KCTD8: variants seen among roughly 807,000 people sequenced by gnomAD.
KCTD8 encodes the protein potassium channel tetramerization domain containing 8, also known as BTB/POZ domain-containing protein KCTD8.
KCTD8 carries 27 observed loss-of-function variants against 31.5 expected under a neutral mutation model. The observed-to-expected ratio is 0.86, with a 90% CI of 0.63 to 1.18. The LOEUF (loss-of-function observed/expected upper bound fraction) is 1.18, where lower values mean the gene tolerates loss of function less well. KCTD8 is among the 50% of genes most tolerant of loss of function. The pLI is 0.00. For synonymous variants in KCTD8, 290 were observed against 280.0 expected (o/e 1.04, Z -0.36); for missense variants, 658 against 647.7 (o/e 1.02, Z -0.17).
At chr4:44,281,072 G>C (rs960495318) in intron 1 of KCTD8, among the ~76,000 whole-genome samples, 1 of 151,936 alleles carries the variant, frequency 6.6e-6, no homozygotes, top group African/African-American at 2.4e-5. Flanking sequence ...TTGAGGACAA[G>C]AGAAGTGAAG....
chr4:44,447,999 G>A lies in KCTD8; in HGVS notation c.525C>T (p.Asp175=). 6.4e-7 allele frequency: 1 copy of A among 1,573,468 alleles called. No homozygotes were observed. The highest frequency in any genetic ancestry group is 1.8e-5 in the Admixed American group (1 of 54,632). Residue 175 remains aspartate (D), a synonymous_variant, in exon 1 of 2, where the codon GAC becomes GAT. Coordinates refer to ENST00000360029, the MANE Select transcript of KCTD8 (RefSeq NM_198353.3). ...LEDNVSQGSS[D]ALLLRGAAAA... ...CCGCCGCCCCGCGCAGCAGCAGCGC[G>A]TCGCTGCTACCCTGCGAGACGTTGT...
At chr4:44,178,823 T>C (rs1713292676) in intron 1 of KCTD8, among the ~76,000 whole-genome samples, 1 of 152,200 alleles carries the variant, frequency 6.6e-6, no homozygotes, top group African/African-American at 2.4e-5. Flanking sequence ...ATGTAACATT[T>C]GTGTCTTGAA....
intron 1 of KCTD8, among the ~76,000 whole-genome samples, chr4:44,264,606 A>G (rs1716281370): frequency 6.6e-6 from 1 of 152,200 alleles, no homozygotes; most frequent in Non-Finnish European, 1.5e-5. Context: ...GGGAAGCGCA[A>G]GGGGTCAGGG....
At chr4:44,339,738 C>G (rs1017210629) in intron 1 of KCTD8, among the ~76,000 whole-genome samples, 3 of 152,106 alleles carry the variant, frequency 2.0e-5, no homozygotes, top group African/African-American at 4.8e-5. Flanking sequence ...AAGGAACATA[C>G]ACCAAGGTAG....
At chr4:44,264,172 A>C (rs1211522403) in intron 1 of KCTD8, among the ~76,000 whole-genome samples, 1 of 150,602 alleles carries the variant, frequency 6.6e-6, no homozygotes, top group Non-Finnish European at 1.5e-5. Flanking sequence ...AATAATTGTT[A>C]TTAGTCCTAA....
intron 1 of KCTD8, among the ~76,000 whole-genome samples, chr4:44,398,845 T>C (rs573139511): frequency 6.6e-6 from 1 of 152,212 alleles, no homozygotes; most frequent in East Asian, 1.9e-4. Context: ...GCACGGGTGG[T>C]TTCAGGATGA....
chr4:44,382,683 T>C (rs1010184979), intron 1 of KCTD8, among the ~76,000 whole-genome samples: 11 of 151,266 alleles, frequency 7.3e-5, no homozygotes, highest in African/African-American at 2.7e-4. Context: ...TGAGTTGAAA[T>C]TGCACCATTG....
intron 1 of KCTD8, among the ~76,000 whole-genome samples, chr4:44,225,258 G>T (rs894457124): frequency 6.6e-6 from 1 of 152,218 alleles, no homozygotes; most frequent in African/African-American, 2.4e-5. Flanking sequence ...ATTTCTATTT[G>T]ATTGGCTTCT....
intron 1 of KCTD8, among the ~76,000 whole-genome samples, chr4:44,330,518 T>G (rs1718567852): frequency 6.6e-6 from 1 of 151,960 alleles, no homozygotes; most frequent in Non-Finnish European, 1.5e-5. Context: ...GGGCTCCAGT[T>G]GCATCTTTGT....
chr4:44,315,667 T>G (rs1718086165), intron 1 of KCTD8, among the ~76,000 whole-genome samples: 1 of 146,160 alleles, frequency 6.8e-6, no homozygotes, highest in Non-Finnish European at 1.5e-5. Flanking sequence ...TATTTCTTAG[T>G]TATTCTATGC....
At chr4:44,390,618 G>A (rs1439402583) in intron 1 of KCTD8, among the ~76,000 whole-genome samples, 1 of 151,980 alleles carries the variant, frequency 6.6e-6, no homozygotes, top group Non-Finnish European at 1.5e-5. Flanking sequence ...TGGGTATGCA[G>A]GCTCTTTTTT....
At chr4:44,248,898 C>A (rs1303351853) in intron 1 of KCTD8, among the ~76,000 whole-genome samples, 1 of 151,756 alleles carries the variant, frequency 6.6e-6, no homozygotes, top group Non-Finnish European at 1.5e-5. Flanking sequence ...TGAGAAATAA[C>A]AAAAACAAAA....
At chr4:44,177,165 T>A (rs1454277558) in intron 1 of KCTD8, among the ~76,000 whole-genome samples, 1 of 152,168 alleles carries the variant, frequency 6.6e-6, no homozygotes, top group African/African-American at 2.4e-5. Flanking sequence ...CCATTCTCTA[T>A]TCTCCTCTGT....
intron 1 of KCTD8, among the ~76,000 whole-genome samples, chr4:44,279,685 T>A (rs1434192204): frequency 6.6e-6 from 1 of 152,012 alleles, no homozygotes; most frequent in Non-Finnish European, 1.5e-5. Flanking sequence ...ACCAAAAGGA[T>A]TAGTGTGAGG....
At chr4:44,292,882 A>G (rs762338920) in intron 1 of KCTD8, among the ~76,000 whole-genome samples, 1 of 152,066 alleles carries the variant, frequency 6.6e-6, no homozygotes, top group Non-Finnish European at 1.5e-5. Context: ...ATAACTTTGA[A>G]TTCTAAATGT....
intron 1 of KCTD8, among the ~76,000 whole-genome samples, chr4:44,188,836 C>A (rs998065911): frequency 6.6e-6 from 1 of 152,116 alleles, no homozygotes; most frequent in South Asian, 2.1e-4. Flanking sequence ...TTCCCTAGAA[C>A]TTCTCGAGAT....
intron 1 of KCTD8, among the ~76,000 whole-genome samples, chr4:44,320,784 A>C (rs934813113): frequency 6.6e-6 from 1 of 150,976 alleles, no homozygotes; most frequent in Non-Finnish European, 1.5e-5. Context: ...AATAGTACAG[A>C]GTGAAATGGA....
At chr4:44,348,098 TAGA>T (rs1439691556) in intron 1 of KCTD8, among the ~76,000 whole-genome samples, 1 of 152,020 alleles carries the variant, frequency 6.6e-6, no homozygotes, top group African/African-American at 2.4e-5. Flanking sequence ...TCAAATAACA[TAGA>T]AGGACAAGGT....
chr4:44,188,850 G>A (rs1210579726), intron 1 of KCTD8, among the ~76,000 whole-genome samples: 1 of 152,162 alleles, frequency 6.6e-6, no homozygotes, highest in Non-Finnish European at 1.5e-5. Context: ...TCGAGATAGT[G>A]TAGCCCTGCT....
Sources: gnomAD v4.1 joint callset for allele counts (sites outside exome capture counted in the v4.1 genomes callset) on GRCh38, gnomAD v4.1.1 for gene constraint, MANE v1.5 for transcripts, NCBI Gene and HGNC (gene_info 2026-07-23, HGNC 2026-07-21) for gene names.